The following SPOCK1 variants were observed in gnomAD, a reference collection of about 807,000 sequenced individuals.
The protein encoded by SPOCK1 is SPARC (osteonectin), cwcv and kazal like domains proteoglycan 1, also known as testican-1.
A neutral mutation model predicts 55.3 loss-of-function variants in SPOCK1; 23 were observed. The ratio of observed to expected loss-of-function variants is 0.42; its 90% CI spans 0.30 to 0.59. SPOCK1 has a LOEUF of 0.59. Among genes scored for constraint, SPOCK1 ranks in the 20% least tolerant of loss-of-function variants. SPOCK1 has a pLI of 0.22. For missense variants in SPOCK1, 499 were observed against 552.5 expected (o/e 0.90, Z 0.97); for synonymous variants, 226 against 221.0 (o/e 1.02, Z -0.20).
At chr5:137,155,402 G>A (rs1580780107) in intron 3 of SPOCK1, among the ~76,000 whole-genome samples, 1 of 152,244 alleles carries the variant, frequency 6.6e-6, no homozygotes, top group South Asian at 2.1e-4. Context: ...TGCAACTCCA[G>A]AAATCAGAAG....
chr5:137,417,332 CT>C (rs35711384), intron 2 of SPOCK1, among the ~76,000 whole-genome samples: 32,698 of 117,758 alleles, frequency 0.28, 2,826 homozygotes, highest in African/African-American at 0.39. Context: ...TAACCCATTT[CT>C]TTTTTTTTTT....
Position 137,294,080 on chromosome 5 carries a change from C to A in SPOCK1, c.187-27025G>T, listed in dbSNP as rs1283150556. 2.6e-5 allele frequency among the ~76,000 whole-genome samples: 4 copies of A among 152,276 alleles called. No individual in the cohort carries two copies. In the East Asian group the frequency reaches 7.7e-4, roughly 29 times the overall value. ...AAACAGTAGCCACTGGGCTAATGAC[C>A]TCTTGAAATATCACTAGTATGACTG... On this transcript the variant is annotated intron_variant, in intron 2 of 10. Coordinates refer to ENST00000394945, the MANE Select transcript of SPOCK1 (RefSeq NM_004598.4).
chr5:137,421,743 CT>C (rs1561531532), intron 2 of SPOCK1, among the ~76,000 whole-genome samples: 1 of 152,138 alleles, frequency 6.6e-6, no homozygotes, highest in Admixed American at 6.5e-5. Flanking sequence ...GGTCTTGACT[CT>C]TTATTCAATT....
rs1448914902 is a variant in SPOCK1 at position 137,122,237 on chromosome 5, T to TTA, written c.348-9678_348-9677dup. ...CCCTGAGGCCTGCATGCAAAAGCAG[T>TTA]TATACACACACACACACACGCACAC... is the stretch of plus-strand genomic sequence containing the variant. On this transcript the variant is annotated intron_variant, in intron 4 of 10. Transcript: ENST00000394945. 1.4e-4 allele frequency among the ~76,000 whole-genome samples: 15 copies of TTA among 109,640 alleles called. No homozygotes were observed. The East Asian group carries it at 3.5e-3, about 26-fold the overall frequency. 71.9% of individuals were successfully genotyped at this position (109,640 alleles called of 152,430 possible).
In SPOCK1 at chr5:137,062,444, G is replaced by A. The variant is rs553754942; in HGVS notation, c.589+5271C>T. On this transcript the variant is annotated intron_variant, in intron 6 of 10. Transcript: ENST00000394945. ...GATGCTCAGGTTCAGAAGGGGTGGAGTATGGGCTAGCTGAAAAATCTACCT... is the reference window on the plus strand; with the variant it reads ...GATGCTCAGGTTCAGAAGGGGTGGAATATGGGCTAGCTGAAAAATCTACCT... Among the ~76,000 whole-genome samples the A allele has an allele frequency of 2.0e-5, 3 of 151,974 alleles. No individual in the cohort carries two copies. The South Asian group carries it at 6.3e-4, about 32-fold the overall frequency.
At chr5:137,320,647 G>C (rs893217649) in intron 2 of SPOCK1, among the ~76,000 whole-genome samples, 1 of 152,142 alleles carries the variant, frequency 6.6e-6, no homozygotes, top group Non-Finnish European at 1.5e-5. Context: ...GGCTACAAGC[G>C]CCTGAAAAAG....
At chr5:137,113,855 A>G (rs1048318063) in intron 4 of SPOCK1, among the ~76,000 whole-genome samples, 1 of 152,192 alleles carries the variant, frequency 6.6e-6, no homozygotes, top group Non-Finnish European at 1.5e-5. Flanking sequence ...GAAGACGGAA[A>G]TATTTTCTAC....
intron 4 of SPOCK1, among the ~76,000 whole-genome samples, chr5:137,131,923 G>A (rs1293286319): frequency 9.1e-6 from 1 of 109,416 alleles, no homozygotes; most frequent in Non-Finnish European, 1.8e-5. Context: ...AGTGAGCCGA[G>A]ATCGCGCCAC....
At chr5:137,163,258 G>C (rs1032012226) in intron 3 of SPOCK1, among the ~76,000 whole-genome samples, 1 of 152,158 alleles carries the variant, frequency 6.6e-6, no homozygotes, top group Non-Finnish European at 1.5e-5. Flanking sequence ...AAATGGAAAA[G>C]AAAAATCCCC....
At chr5:137,247,480 T>C (rs1030841912) in intron 3 of SPOCK1, among the ~76,000 whole-genome samples, 2 of 152,246 alleles carry the variant, frequency 1.3e-5, no homozygotes, top group African/African-American at 4.8e-5. Context: ...CAATCTGTCT[T>C]CTGCTTATGT....
chr5:137,131,036 G>A (rs1580766862), intron 4 of SPOCK1, among the ~76,000 whole-genome samples: 1 of 152,152 alleles, frequency 6.6e-6, no homozygotes, highest in South Asian at 2.1e-4. Context: ...ATCATCCTAA[G>A]TCCATTTTCT....
intron 3 of SPOCK1, among the ~76,000 whole-genome samples, chr5:137,166,216 A>C (rs1347699347): frequency 1.3e-5 from 2 of 152,180 alleles, no homozygotes; most frequent in East Asian, 1.9e-4. Context: ...TGTGTCTGGC[A>C]GCAAACTTTT....
intron 2 of SPOCK1, among the ~76,000 whole-genome samples, chr5:137,383,980 C>G (rs1751538223): frequency 6.6e-6 from 1 of 152,246 alleles, no homozygotes; most frequent in Admixed American, 6.5e-5. Flanking sequence ...CTAGACCAAG[C>G]ATGGAGGCCT....
At chr5:137,094,011 C>T (rs776371653) in intron 5 of SPOCK1, among the ~76,000 whole-genome samples, 20 of 152,156 alleles carry the variant, frequency 1.3e-4, no homozygotes, top group Non-Finnish European at 2.9e-5. Flanking sequence ...CCCTGGGGCT[C>T]TCACCAGTGT....
chr5:137,078,161 T>C (rs375588611), intron 5 of SPOCK1, among the ~76,000 whole-genome samples: 51 of 152,154 alleles, frequency 3.4e-4, no homozygotes, highest in African/African-American at 1.1e-3. Flanking sequence ...CAAGAGGCAA[T>C]GTGGGAGCAG....
rs374457207 is a variant in SPOCK1 at position 137,154,945 on chromosome 5, G to A, written c.233-14251C>T. Among the ~76,000 whole-genome samples, 10 of 152,324 alleles carry A rather than the reference G, an allele frequency of 6.6e-5. 1 individual carries two copies. In the East Asian group the frequency reaches 1.2e-3, roughly 18 times the overall value. On this transcript the variant is annotated intron_variant, in intron 3 of 10. Coordinates refer to ENST00000394945, the MANE Select transcript of SPOCK1 (RefSeq NM_004598.4). ...TCAAAGGAGAATGAACTGTGGAACT[G>A]ACACAGCCAGTTCCAAATCTGAGCT...
At chr5:137,291,232 G>C (rs1034518361) in intron 2 of SPOCK1, among the ~76,000 whole-genome samples, 2 of 152,206 alleles carry the variant, frequency 1.3e-5, no homozygotes, top group Non-Finnish European at 2.9e-5. Flanking sequence ...TGGAGGAGCA[G>C]AGCCACCAGG....
At chr5:137,033,052 G>A (rs1452368536) in intron 6 of SPOCK1, among the ~76,000 whole-genome samples, 1 of 152,238 alleles carries the variant, frequency 6.6e-6, no homozygotes, top group African/African-American at 2.4e-5. Context: ...GGCAGGTCTA[G>A]GTCTGGACTT....
intron 2 of SPOCK1, among the ~76,000 whole-genome samples, chr5:137,270,883 T>C (rs1756948639): frequency 6.6e-6 from 1 of 152,098 alleles, no homozygotes; most frequent in African/African-American, 2.4e-5. Flanking sequence ...ATGCCTGTAG[T>C]CCCAGCTACC....
Sources: allele counts gnomAD v4.1 joint callset (sites outside exome capture counted in the v4.1 genomes callset), GRCh38; gene constraint gnomAD v4.1.1; transcripts MANE v1.5; gene names NCBI Gene and HGNC (gene_info 2026-07-23, HGNC 2026-07-21).